The following FBRSL1 variants were observed in gnomAD, a reference collection of about 807,000 sequenced individuals.
FBRSL1 encodes the protein fibrosin like 1.
FBRSL1 carries 51 observed loss-of-function variants against 89.6 expected under a neutral mutation model. The observed-to-expected ratio is 0.57, with a 90% CI of 0.45 to 0.72. FBRSL1 has a LOEUF of 0.72. Ranked by LOEUF, FBRSL1 falls within the 30% of genes least tolerant of loss-of-function variation. The pLI, the probability that FBRSL1 is intolerant of heterozygous loss-of-function variation, is 0.00. For missense variants in FBRSL1, 1,618 were observed against 1,451.8 expected (o/e 1.11, Z -1.86); for synonymous variants, 779 against 681.1 (o/e 1.14, Z -2.24).
chr12:132,521,133 C>T (rs1426331372), intron 2 of FBRSL1, among the ~76,000 whole-genome samples: 2 of 152,224 alleles, frequency 1.3e-5, no homozygotes, highest in African/African-American at 4.8e-5. Context: ...CTGGGGGAGG[C>T]CCAGGAGTCC....
At chr12:132,493,197 A>G (rs2031390511) in intron 1 of FBRSL1, among the ~76,000 whole-genome samples, 1 of 152,160 alleles carries the variant, frequency 6.6e-6, no homozygotes, top group Non-Finnish European at 1.5e-5. Flanking sequence ...ACACCGAGGG[A>G]GATGTGGCCA....
chr12:132,560,280 CAG>C (rs1491180691), intron 5 of FBRSL1: 2 of 151,888 alleles, frequency 1.3e-5, no homozygotes, highest in African/African-American at 4.8e-5. Flanking sequence ...TTTGGGGGGA[CAG>C]GGGAGGGGGA....
chr12:132,503,070 C>T (rs2033219952), intron 1 of FBRSL1, among the ~76,000 whole-genome samples: 2 of 151,970 alleles, frequency 1.3e-5, no homozygotes, highest in Admixed American at 1.3e-4. Flanking sequence ...GGGTGGAGTG[C>T]AGCAGTAACG....
rs1294439304 is a variant in FBRSL1, at chr12:132,584,386, A to C, written c.*608A>C. Reference sequence around the variant, plus strand: ...AACGAAACGTGTAAATAGTCTGTTGATATAAATATATGACGTTACTAAATT... The same window carrying C: ...AACGAAACGTGTAAATAGTCTGTTGCTATAAATATATGACGTTACTAAATT... On this transcript the variant is annotated 3_prime_UTR_variant, in exon 19 of 19. Coordinates refer to ENST00000680143, the MANE Select transcript of FBRSL1 (RefSeq NM_001367871.1). 1 of 152,182 alleles carries C rather than the reference A, an allele frequency of 6.6e-6. No homozygotes were observed. Among genetic ancestry groups the C allele is most frequent in the Non-Finnish European group, 1.5e-5 (1 of 68,036 alleles). 9.4% of individuals were successfully genotyped at this position (152,182 alleles called of 1,614,324 possible). A position where few individuals can be genotyped will look rare whatever the true frequency, so the allele number is the denominator to read the frequency against.
At chr12:132,580,778 C>A in intron 15 of FBRSL1, 1 of 985,416 alleles carries the variant, frequency 1.0e-6, no homozygotes, top group Non-Finnish European at 1.2e-6. Flanking sequence ...AAGATGACGC[C>A]CTGCTGGTCT....
At chr12:132,515,768 C>T (rs944080167) in intron 2 of FBRSL1, among the ~76,000 whole-genome samples, 40 of 151,898 alleles carry the variant, frequency 2.6e-4, no homozygotes, top group African/African-American at 6.0e-4. Context: ...GGCACGGTGG[C>T]GCACACCTGT....
chr12:132,523,394 T>G (rs2136889177), intron 2 of FBRSL1, among the ~76,000 whole-genome samples: 1 of 152,092 alleles, frequency 6.6e-6, no homozygotes, highest in South Asian at 2.1e-4. Context: ...CTGGCCACCT[T>G]TCAGGGCCTC....
chr12:132,536,625 G>T (rs1376083090), intron 4 of FBRSL1, among the ~76,000 whole-genome samples: 4 of 151,018 alleles, frequency 2.6e-5, no homozygotes, highest in African/African-American at 9.8e-5. Flanking sequence ...TGAGTGCATT[G>T]TACATGATGG....
intron 4 of FBRSL1, among the ~76,000 whole-genome samples, chr12:132,542,767 C>T (rs2037370527): frequency 6.6e-6 from 1 of 152,274 alleles, no homozygotes; most frequent in Admixed American, 6.5e-5. Flanking sequence ...GGAGCAGCAA[C>T]CTCAGCGCAG....
intron 5 of FBRSL1, chr12:132,551,808 G>A (rs2038188310): frequency 2.3e-5 from 8 of 348,702 alleles, no homozygotes; most frequent in African/African-American, 6.4e-5. Flanking sequence ...GCAAGTCTTC[G>A]GTTTGTGTCT....
At chr12:132,534,153 C>T (rs2036526958) in intron 4 of FBRSL1, among the ~76,000 whole-genome samples, 1 of 152,208 alleles carries the variant, frequency 6.6e-6, no homozygotes, top group Non-Finnish European at 1.5e-5. Flanking sequence ...CACCACTCAG[C>T]CCTGGGAGGT....
chr12:132,583,975 G>A lies in FBRSL1; in HGVS notation c.*197G>A, dbSNP rs1299551865. ...TTCCGAGTTTGGGATTCGGCTGTTG[G>A]GAAAAAAAAATCGCGTTTGTACCTT... On this transcript the variant is annotated 3_prime_UTR_variant, in exon 19 of 19. Transcript: ENST00000680143. The A allele has an allele frequency of 3.6e-6, 1 of 281,242 alleles. No individual in the cohort carries two copies. Among genetic ancestry groups the A allele is most frequent in the Non-Finnish European group, 6.6e-6 (1 of 151,370 alleles). The allele number at this position is 281,242 out of a possible 1,614,324, so 17.4% of individuals were successfully genotyped here.
chr12:132,504,709 G>A (rs2033463535), intron 1 of FBRSL1, among the ~76,000 whole-genome samples: 1 of 152,180 alleles, frequency 6.6e-6, no homozygotes, highest in South Asian at 2.1e-4. Flanking sequence ...GGCTGGGCTG[G>A]GTGGTGGGTG....
chr12:132,567,608 T>A, intron 6 of FBRSL1, 82 bp downstream of exon 6: 2 of 1,399,058 alleles, frequency 1.4e-6, no homozygotes, highest in Non-Finnish European at 9.9e-7. Flanking sequence ...GACATCCCCC[T>A]GAAGTCAGGG....
chr12:132,509,611 G>T, intron 2 of FBRSL1: 2 of 1,231,680 alleles, frequency 1.6e-6, no homozygotes, highest in African/African-American at 1.6e-5. Flanking sequence ...CTGGCCCCAC[G>T]GTCCCTCCTG....
intron 5 of FBRSL1, among the ~76,000 whole-genome samples, chr12:132,557,016 G>A (rs1334394215): frequency 6.6e-6 from 1 of 152,198 alleles, no homozygotes; most frequent in African/African-American, 2.4e-5. Flanking sequence ...GAGGTTGGGT[G>A]CCCCCCAGGG....
rs570377534 is a variant in FBRSL1 at position 132,510,341 on chromosome 12, G to A, written c.489+1991G>A. 7.4e-5 allele frequency: 91 copies of A among 1,231,276 alleles called. No homozygotes were observed. The highest frequency in any genetic ancestry group is 2.0e-4 in the African/African-American group (13 of 64,376). The allele number at this position is 1,231,276 out of a possible 1,614,324, so 76.3% of individuals were successfully genotyped here. ...TGCCGGCCCGTCAGCCCCGGCTCTC[G>A]CTCCTGGCCCTGGGCCATCCCTGCC... On this transcript the variant is annotated intron_variant, in intron 2 of 18. Coordinates refer to ENST00000680143, the MANE Select transcript of FBRSL1 (RefSeq NM_001367871.1).
intron 2 of FBRSL1, chr12:132,510,564 C>T (rs2034218424): frequency 4.1e-6 from 5 of 1,231,028 alleles, no homozygotes; most frequent in Non-Finnish European, 5.1e-6. Flanking sequence ...CTTTGCCGGA[C>T]TAGCCTGAGG....
In FBRSL1 at chr12:132,546,986, C is replaced by T. The variant is rs2037742022; in HGVS notation, c.616-1017C>T. Among the ~76,000 whole-genome samples, 1 of 152,242 alleles carries T rather than the reference C, an allele frequency of 6.6e-6. No homozygotes were observed. On this transcript the variant is annotated intron_variant, in intron 4 of 18. Transcript: ENST00000680143. The surrounding 1 kb of genome is among the most constrained non-coding windows in gnomAD (Gnocchi z 4.0). The stretch of plus-strand genomic sequence containing the variant: ...GCGCCGCCCACACATCCGGCTGGCA[C>T]TCACCACCCTCCGTGCACTGGGGGG...
Sources: allele counts gnomAD v4.1 joint callset (sites outside exome capture counted in the v4.1 genomes callset), GRCh38; gene constraint gnomAD v4.1.1; non-coding constraint Gnocchi (gnomAD v3.1); transcripts MANE v1.5; gene names NCBI Gene and HGNC (gene_info 2026-07-23, HGNC 2026-07-21).